SLC25A13: variants seen among roughly 807,000 people sequenced by gnomAD.
The protein encoded by SLC25A13 is solute carrier family 25 member 13.
A neutral mutation model predicts 85.5 loss-of-function variants in SLC25A13; 70 were observed. The ratio of observed to expected loss-of-function variants is 0.82; its 90% CI spans 0.68 to 1.00. The LOEUF is 1.00. Among genes scored for constraint, SLC25A13 ranks in the 50% least tolerant of loss-of-function variants. The pLI is 0.00. For synonymous variants in SLC25A13, 259 were observed against 288.7 expected, an observed-to-expected ratio of 0.90 and a Z score of 1.04; for missense variants, 765 against 819.8, an observed-to-expected ratio of 0.93 and a Z score of 0.82.
At position 96,163,250 on chromosome 7, in the gene SLC25A13, C is replaced by G. The variant is rs1793586759; in HGVS notation, c.1311+6795G>C. 2.0e-5 allele frequency among the ~76,000 whole-genome samples: 3 copies of G among 152,294 alleles called. No homozygotes were observed. The South Asian group carries it at 6.2e-4, about 32-fold the overall frequency. On this transcript the variant is annotated intron_variant, in intron 13 of 17. Transcript: ENST00000265631. ...GTTTCTGCCCAGGACTCTTAAGATGCCTGCTCTTGGGAGGCTCCCTCTCAG... is the reference window on the plus strand; with the variant it reads ...GTTTCTGCCCAGGACTCTTAAGATGGCTGCTCTTGGGAGGCTCCCTCTCAG...
rs191572333 is a variant in SLC25A13 at position 96,286,598 on chromosome 7, A to T, written c.70-9260T>A. On this transcript the variant is annotated intron_variant, in intron 2 of 17. Coordinates refer to ENST00000265631, the MANE Select transcript of SLC25A13 (RefSeq NM_014251.3). ...AATTAGACCACACCATCTTCTGCTA[A>T]TTAATCCTGTACACTACTTATCAAT... 5.9e-5 allele frequency among the ~76,000 whole-genome samples: 9 copies of T among 152,330 alleles called. No homozygotes were observed. In the East Asian group the frequency reaches 1.7e-3, roughly 29 times the overall value.
chr7:96,274,650 T>C (rs1415964975), intron 3 of SLC25A13, among the ~76,000 whole-genome samples: 6 of 152,194 alleles, frequency 3.9e-5, no homozygotes, highest in Non-Finnish European at 8.8e-5. Flanking sequence ...AGGTCTAACA[T>C]TTAAGTCTTT....
At chr7:96,166,173 A>G (rs977027207) in intron 13 of SLC25A13, among the ~76,000 whole-genome samples, 1 of 152,252 alleles carries the variant, frequency 6.6e-6, no homozygotes, top group Admixed American at 6.5e-5. Flanking sequence ...AATGCAGTCA[A>G]AATGAATATA....
At chr7:96,269,293 A>G (rs940060057) in intron 3 of SLC25A13, among the ~76,000 whole-genome samples, 1 of 152,202 alleles carries the variant, frequency 6.6e-6, no homozygotes, top group African/African-American at 2.4e-5. Flanking sequence ...AGTGCTACAG[A>G]AAACAGGATC....
At chr7:96,298,070 G>A (rs1197496325) in intron 1 of SLC25A13, among the ~76,000 whole-genome samples, 2 of 152,142 alleles carry the variant, frequency 1.3e-5, no homozygotes, top group Non-Finnish European at 2.9e-5. Context: ...ATGAGACTGG[G>A]TTCCCACCAA....
intron 4 of SLC25A13, among the ~76,000 whole-genome samples, chr7:96,219,282 G>A (rs1242990104): frequency 6.6e-6 from 1 of 152,048 alleles, no homozygotes; most frequent in Non-Finnish European, 1.5e-5. Flanking sequence ...GAACATGTAG[G>A]TACAGTGGTG....
chr7:96,221,531 C>T (rs529987522), intron 4 of SLC25A13, among the ~76,000 whole-genome samples: 134 of 152,292 alleles, frequency 8.8e-4, no homozygotes, highest in Middle Eastern at 3.4e-3. Flanking sequence ...CCTCAGCTAT[C>T]TTTTCGAATA....
intron 13 of SLC25A13, among the ~76,000 whole-genome samples, chr7:96,167,934 C>A (rs1026657598): frequency 3.3e-5 from 5 of 151,644 alleles, no homozygotes; most frequent in African/African-American, 1.2e-4. Context: ...CTAGTCTCTA[C>A]TAAAAATGCA....
chr7:96,169,565 G>C (rs1793913348), intron 13 of SLC25A13, among the ~76,000 whole-genome samples: 1 of 152,118 alleles, frequency 6.6e-6, no homozygotes, highest in South Asian at 2.1e-4. Context: ...CGCACACTCA[G>C]CCAGTTATTT....
chr7:96,160,976 T>A (rs78382679), intron 13 of SLC25A13, among the ~76,000 whole-genome samples: 3 of 42,356 alleles, frequency 7.1e-5, no homozygotes, highest in Admixed American at 6.2e-4. Context: ...AGGTTAGCAT[T>A]TTTTTTTTTT....
intron 4 of SLC25A13, among the ~76,000 whole-genome samples, chr7:96,229,155 T>G (rs932546736): frequency 2.0e-5 from 3 of 152,174 alleles, no homozygotes; most frequent in Non-Finnish European, 4.4e-5. Flanking sequence ...ATCTACTAGG[T>G]GAAGCCAGCT....
chr7:96,277,798 T>A lies in SLC25A13; in HGVS notation c.70-460A>T, dbSNP rs1469755892. Among the ~76,000 whole-genome samples, 42 of 147,020 alleles carry A rather than the reference T, an allele frequency of 2.9e-4. 1 individual carries two copies. Among genetic ancestry groups the A allele is most frequent in the Middle Eastern group, 3.2e-3 (1 of 312 alleles). ...TTTTTAGCAAAGGCACATAGCTTTT[T>A]AAAAAAAAAAAAAAAGTGGAATTAC... On this transcript the variant is annotated intron_variant, in intron 2 of 17. Coordinates refer to ENST00000265631, the MANE Select transcript of SLC25A13 (RefSeq NM_014251.3).
chr7:96,321,872 C>T (rs1800360074), intron 1 of SLC25A13, 70 bp downstream of exon 1: 3 of 1,472,470 alleles, frequency 2.0e-6, no homozygotes, highest in Non-Finnish European at 2.7e-6. Context: ...GACACGTGAG[C>T]GCCCGAGCCT....
intron 3 of SLC25A13, among the ~76,000 whole-genome samples, chr7:96,249,003 A>C (rs1222719571): frequency 6.6e-6 from 1 of 152,224 alleles, no homozygotes; most frequent in Non-Finnish European, 1.5e-5. Context: ...AATAAGAATT[A>C]AAATAAAAAG....
rs1035111489 is a variant in SLC25A13 at position 96,175,168 on chromosome 7, G to A, written c.1178-3644C>T. 2.0e-5 allele frequency among the ~76,000 whole-genome samples: 3 copies of A among 152,168 alleles called. No homozygotes were observed. In the South Asian group the frequency reaches 6.2e-4, roughly 32 times the overall value. On this transcript the variant is annotated intron_variant, in intron 11 of 17. Coordinates refer to ENST00000265631, the MANE Select transcript of SLC25A13 (RefSeq NM_014251.3). ...GGAGGGGAAAAAACATCAAAGAAGAGGAGATATTTGCCCTGGGACTTCAAG... is the reference window on the plus strand; with the variant it reads ...GGAGGGGAAAAAACATCAAAGAAGAAGAGATATTTGCCCTGGGACTTCAAG...
At chr7:96,265,450 T>A (rs1026974891) in intron 3 of SLC25A13, among the ~76,000 whole-genome samples, 2 of 152,212 alleles carry the variant, frequency 1.3e-5, no homozygotes, top group Non-Finnish European at 2.9e-5. Context: ...GTATCCCGTA[T>A]CCTCTAGTAG....
intron 3 of SLC25A13, among the ~76,000 whole-genome samples, chr7:96,236,862 T>C (rs188874697): frequency 1.5e-4 from 23 of 152,156 alleles, no homozygotes; most frequent in Admixed American, 2.6e-4. Flanking sequence ...TGCCACAAAA[T>C]TGGCTGACAG....
chr7:96,232,268 G>A (rs534907810), intron 4 of SLC25A13, among the ~76,000 whole-genome samples: 2 of 151,866 alleles, frequency 1.3e-5, no homozygotes, highest in African/African-American at 2.4e-5. Context: ...AAAAAACAAC[G>A]AGATCATGTC....
At chr7:96,129,284 C>T (rs948364149) in intron 15 of SLC25A13, among the ~76,000 whole-genome samples, 7 of 152,086 alleles carry the variant, frequency 4.6e-5, no homozygotes, top group African/African-American at 1.7e-4. Flanking sequence ...GGGAATTTGG[C>T]ATGCAGTAAT....
Sources: gnomAD v4.1 joint callset for allele counts (sites outside exome capture counted in the v4.1 genomes callset) on GRCh38, gnomAD v4.1.1 for gene constraint, MANE v1.5 for transcripts, NCBI Gene and HGNC (gene_info 2026-07-23, HGNC 2026-07-21) for gene names.